The following PCSK6 variants were observed in gnomAD, a reference collection of about 807,000 sequenced individuals.
PCSK6 encodes paired basic amino acid cleaving enzyme 4.
In PCSK6, 85 loss-of-function variants were observed where a neutral mutation model predicts 123.3. That is an observed-to-expected ratio of 0.69 (90% CI 0.58 to 0.83). The LOEUF (loss-of-function observed/expected upper bound fraction) is 0.83, where lower values mean the gene tolerates loss of function less well. PCSK6 is among the 40% of genes least tolerant of loss of function. The pLI, the probability that PCSK6 is intolerant of heterozygous loss-of-function variation, is 0.00. For synonymous variants in PCSK6, 508 were observed against 516.0 expected, an observed-to-expected ratio of 0.98 and a Z score of 0.21; for missense variants, 1,191 against 1,282.3, an observed-to-expected ratio of 0.93 and a Z score of 1.09.
intron 2 of PCSK6, among the ~76,000 whole-genome samples, chr15:101,434,824 GT>G (rs369558785): frequency 3.5e-4 from 54 of 152,176 alleles, no homozygotes; most frequent in African/African-American, 1.2e-3. Flanking sequence ...CTTCCTCTGG[GT>G]TCCAGTCACT....
Position 101,385,692 on chromosome 15 carries a change from G to A in PCSK6, c.1311-1267C>T, listed in dbSNP as rs112891965. ...GAGCATTGTTCCTTTCTTCTAATCA[G>A]TATTAAATGCTATGCAACCTGGATA... On this transcript the variant is annotated intron_variant, in intron 9 of 21. Coordinates refer to ENST00000611716, the MANE Select transcript of PCSK6 (RefSeq NM_002570.5). Among the ~76,000 whole-genome samples the A allele has an allele frequency of 7.6e-3, 1,154 of 152,252 alleles. 11 individuals are homozygous for A. The highest frequency in any genetic ancestry group is 0.013 in the Non-Finnish European group (856 of 68,020).
At chr15:101,385,366 A>G (rs1478559981) in intron 9 of PCSK6, among the ~76,000 whole-genome samples, 2 of 152,034 alleles carry the variant, frequency 1.3e-5, no homozygotes, top group Admixed American at 6.6e-5. Context: ...CCATCTTATG[A>G]TCTGATACCT....
intron 1 of PCSK6, among the ~76,000 whole-genome samples, chr15:101,462,805 A>C (rs906802670): frequency 6.6e-6 from 1 of 152,246 alleles, no homozygotes; most frequent in Admixed American, 6.5e-5. Context: ...AACTTGTAGG[A>C]GGACGTCTGA....
intron 13 of PCSK6, among the ~76,000 whole-genome samples, chr15:101,354,483 T>C (rs1022348859): frequency 4.6e-5 from 7 of 152,390 alleles, no homozygotes; most frequent in Non-Finnish European, 8.8e-5. Context: ...TGTCTCTACG[T>C]GTCCCACGGC....
At chr15:101,347,398 T>A (rs2040762765) in intron 13 of PCSK6, 1 of 1,236,778 alleles carries the variant, frequency 8.1e-7, no homozygotes, top group Non-Finnish European at 1.0e-6. Context: ...AAATCAAGAA[T>A]TCATGGAACT....
At chr15:101,310,213 C>T (rs531746891) in intron 20 of PCSK6, among the ~76,000 whole-genome samples, 10 of 152,320 alleles carry the variant, frequency 6.6e-5, no homozygotes, top group Admixed American at 1.3e-4. Context: ...CTCCAAGACC[C>T]GGTGTGTCAG....
At position 101,393,395 on chromosome 15, in the gene PCSK6, G is replaced by C. The variant is rs1296747838; in HGVS notation, c.1026C>G (p.Val342=). 7 of 1,602,394 alleles carry C rather than the reference G, an allele frequency of 4.4e-6. No individual in the cohort carries two copies. Among genetic ancestry groups the C allele is most frequent in the Non-Finnish European group, 6.0e-6 (7 of 1,175,236 alleles). ...KGRQGLGSIF[V]WASGNGGREG... is the part of the protein sequence containing the mutation. ...CTCTCCCGCCATTCCCAGATGCCCA[G>C]ACGAAAATGGAGCCCAGGCCCTGCC... The change falls in exon 8 of 22, where the codon GTC becomes GTG. Residue 342 remains valine, a synonymous_variant. Coordinates refer to ENST00000611716, the MANE Select transcript of PCSK6 (RefSeq NM_002570.5).
intron 13 of PCSK6, among the ~76,000 whole-genome samples, chr15:101,333,513 G>A (rs138625788): frequency 9.7e-4 from 148 of 152,262 alleles, no homozygotes; most frequent in African/African-American, 2.9e-3. Flanking sequence ...GAATGGTTTC[G>A]GGGAGGAAGA....
chr15:101,362,859 T>C (rs1011685940), intron 13 of PCSK6, among the ~76,000 whole-genome samples: 8 of 152,106 alleles, frequency 5.3e-5, no homozygotes, highest in Non-Finnish European at 1.0e-4. Context: ...CACCCTGTGG[T>C]CCCCAGAGAG....
At position 101,393,457 on chromosome 15, in the gene PCSK6, G is replaced by A. The variant is rs370446438; in HGVS notation, c.997-33C>T. On this transcript the variant is annotated intron_variant, in intron 7 of 21. Transcript: ENST00000611716. ...GACAAGAGGAACAAGGCTTAGCCCC[G>A]CAGCAGAACCTCGTAGGGTGGGTCT... 1,887 of 1,563,510 alleles carry A rather than the reference G, an allele frequency of 1.2e-3. 3 individuals carry two copies. The highest frequency in any genetic ancestry group is 1.4e-3 in the Non-Finnish European group (1,656 of 1,150,634).
At chr15:101,457,586 C>A (rs1002427413) in intron 1 of PCSK6, among the ~76,000 whole-genome samples, 6 of 152,212 alleles carry the variant, frequency 3.9e-5, no homozygotes, top group African/African-American at 1.4e-4. Flanking sequence ...ATCCCATTTG[C>A]CCTTTGATTT....
chr15:101,371,459 CA>C (rs1413992566), intron 11 of PCSK6, among the ~76,000 whole-genome samples: 1 of 152,146 alleles, frequency 6.6e-6, no homozygotes, highest in Non-Finnish European at 1.5e-5. Context: ...AATGTTTTAA[CA>C]AACAAACAAA....
Position 101,370,490 on chromosome 15 carries a change from C to A in PCSK6, c.1566G>T (p.Thr522=), listed in dbSNP as rs187329636. The change falls in exon 12 of 22, where the codon ACG becomes ACT. Residue 522 remains threonine (T), a synonymous_variant. Coordinates refer to ENST00000611716, the MANE Select transcript of PCSK6 (RefSeq NM_002570.5). The part of the protein sequence containing the change: ...SIPLVQVLRT[T]ALTSACAEHS... ...GCTCCGCGCAGGCGCTGGTCAGGGC[C>A]GTAGTCCGCAGCACCTGCACTAAGG... 2 of 1,537,198 alleles carry A rather than the reference C, an allele frequency of 1.3e-6. No individual in the cohort carries two copies. The highest frequency in any genetic ancestry group is 8.8e-7 in the Non-Finnish European group (1 of 1,138,666).
At chr15:101,412,350 G>T (rs1033657813) in intron 6 of PCSK6, among the ~76,000 whole-genome samples, 1 of 152,070 alleles carries the variant, frequency 6.6e-6, no homozygotes, top group South Asian at 2.1e-4. Flanking sequence ...TGGAGGAAAC[G>T]GATGCTGGAA....
intron 1 of PCSK6, among the ~76,000 whole-genome samples, chr15:101,462,041 T>C (rs2141208284): frequency 6.6e-6 from 1 of 152,356 alleles, no homozygotes; most frequent in South Asian, 2.1e-4. Flanking sequence ...TATTCACAGA[T>C]GATATGACTA....
intron 11 of PCSK6, among the ~76,000 whole-genome samples, chr15:101,374,138 G>A (rs961298762): frequency 6.6e-6 from 1 of 152,084 alleles, no homozygotes; most frequent in Non-Finnish European, 1.5e-5. Flanking sequence ...ACATTTCAAC[G>A]TTAATTACTC....
At chr15:101,460,215 CTCAG>C (rs1484709971) in intron 1 of PCSK6, among the ~76,000 whole-genome samples, 1 of 152,286 alleles carries the variant, frequency 6.6e-6, no homozygotes, top group East Asian at 1.9e-4. Context: ...CTCATCTCCC[CTCAG>C]AAGACTCTCT....
chr15:101,336,292 G>T (rs1316720250), intron 13 of PCSK6, among the ~76,000 whole-genome samples: 1 of 152,224 alleles, frequency 6.6e-6, no homozygotes, highest in South Asian at 2.1e-4. Flanking sequence ...GAGATTAAAT[G>T]ACTTCATGAT....
chr15:101,404,862 T>C (rs191345162), intron 6 of PCSK6, among the ~76,000 whole-genome samples: 109 of 152,332 alleles, frequency 7.2e-4, no homozygotes, highest in Non-Finnish European at 1.4e-3. Flanking sequence ...AAGCTGATCC[T>C]GTTCTAGGAT....
Sources: allele counts gnomAD v4.1 joint callset (sites outside exome capture counted in the v4.1 genomes callset), GRCh38; gene constraint gnomAD v4.1.1; transcripts MANE v1.5; gene names NCBI Gene and HGNC (gene_info 2026-07-23, HGNC 2026-07-21).